Variants in CPNE4 observed in about 807,000 individuals in gnomAD.
CPNE4 encodes the protein copine 4.
In CPNE4, 25 loss-of-function variants were observed where a neutral mutation model predicts 67.9. That is an observed-to-expected ratio of 0.37 (90% CI 0.27 to 0.51). CPNE4 has a LOEUF of 0.51. CPNE4 is among the 20% of genes least tolerant of loss of function. The pLI, the probability that CPNE4 is intolerant of heterozygous loss-of-function variation, is 0.93. For missense variants in CPNE4, 464 were observed against 690.8 expected, an observed-to-expected ratio of 0.67 and a Z score of 3.68; for synonymous variants, 242 against 244.9, an observed-to-expected ratio of 0.99 and a Z score of 0.11.
At chr3:131,672,242 T>C (rs554104636) in intron 6 of CPNE4, among the ~76,000 whole-genome samples, 37 of 152,186 alleles carry the variant, frequency 2.4e-4, no homozygotes, top group Non-Finnish European at 4.6e-4. Flanking sequence ...GATAGACTTG[T>C]AGGTTGCTTC....
chr3:131,902,897 C>T (rs529184567), intron 2 of CPNE4, among the ~76,000 whole-genome samples: 1 of 152,058 alleles, frequency 6.6e-6, no homozygotes, highest in African/African-American at 2.4e-5. Flanking sequence ...TATTAAGACA[C>T]CCATGAATAC....
chr3:131,899,981 C>T (rs1444423051), intron 2 of CPNE4, among the ~76,000 whole-genome samples: 1 of 152,028 alleles, frequency 6.6e-6, no homozygotes, highest in African/African-American at 2.4e-5. Flanking sequence ...ACAACATGGG[C>T]ACACATTATC....
chr3:131,864,022 G>C (rs913614656), intron 2 of CPNE4, among the ~76,000 whole-genome samples: 1 of 151,966 alleles, frequency 6.6e-6, no homozygotes, highest in East Asian at 1.9e-4. Context: ...TTGTAGATAT[G>C]CGGCATTATT....
chr3:131,973,728 G>A (rs1035864113), intron 1 of CPNE4, among the ~76,000 whole-genome samples: 19 of 152,192 alleles, frequency 1.2e-4, no homozygotes, highest in Admixed American at 2.6e-4. Flanking sequence ...TGGAAAGAAT[G>A]TTTTGAACAG....
chr3:131,864,481 G>A (rs2086846066), intron 2 of CPNE4, among the ~76,000 whole-genome samples: 1 of 151,988 alleles, frequency 6.6e-6, no homozygotes, highest in Admixed American at 6.6e-5. Flanking sequence ...GTGAATGGGA[G>A]TTCACTCATG....
chr3:131,740,521 C>T (rs1396142051), intron 2 of CPNE4, among the ~76,000 whole-genome samples: 1 of 152,140 alleles, frequency 6.6e-6, no homozygotes, highest in African/African-American at 2.4e-5. Context: ...ATATCCAACC[C>T]ACCACCAAAT....
intron 2 of CPNE4, among the ~76,000 whole-genome samples, chr3:131,816,439 G>C (rs2084746668): frequency 6.6e-6 from 1 of 152,206 alleles, no homozygotes; most frequent in Non-Finnish European, 1.5e-5. Context: ...TTTAACATGA[G>C]AAGAGATCAA....
At chr3:132,021,578 C>A (rs771986597) in intron 1 of CPNE4, among the ~76,000 whole-genome samples, 13 of 152,124 alleles carry the variant, frequency 8.5e-5, no homozygotes, top group Non-Finnish European at 1.3e-4. Flanking sequence ...CTATGGACAA[C>A]GACAGGTATG....
intron 14 of CPNE4, among the ~76,000 whole-genome samples, chr3:131,549,067 G>A (rs533749606): frequency 2.0e-5 from 3 of 152,212 alleles, no homozygotes; most frequent in East Asian, 1.9e-4. Context: ...GAGAAAGAGC[G>A]AGAATATAAC....
upstream of CPNE4, among the ~76,000 whole-genome samples, chr3:132,036,184 G>C (rs768011026): frequency 6.6e-6 from 1 of 152,110 alleles, no homozygotes; most frequent in Admixed American, 6.5e-5. Context: ...CACTAAACAT[G>C]GACCCTGGAA....
intron 1 of CPNE4, among the ~76,000 whole-genome samples, chr3:131,969,999 A>G (rs948236161): frequency 2.0e-5 from 3 of 152,306 alleles, no homozygotes; most frequent in African/African-American, 4.8e-5. Context: ...GCTTGTGTTC[A>G]TAATTGGTGC....
chr3:131,675,181 T>C lies in CPNE4; in HGVS notation c.592-5417A>G, dbSNP rs78513490. The stretch of plus-strand genomic sequence containing the variant: ...CATTGTCATCAGATATGATACTTGA[T>C]ATTATTTCAGTTTTTCTGAATATTT... On this transcript the variant is annotated intron_variant, in intron 6 of 15. Transcript: ENST00000429747. Among the ~76,000 whole-genome samples, 1,169 of 152,286 alleles carry C rather than the reference T, an allele frequency of 7.7e-3. 20 individuals are homozygous for C. Among genetic ancestry groups the C allele is most frequent in the African/African-American group, 0.027 (1,107 of 41,574 alleles).
intron 1 of CPNE4, among the ~76,000 whole-genome samples, chr3:132,019,975 T>A (rs900817636): frequency 6.6e-6 from 1 of 152,144 alleles, no homozygotes; most frequent in African/African-American, 2.4e-5. Flanking sequence ...CTCACCACCA[T>A]CATGGATCTC....
intron 2 of CPNE4, among the ~76,000 whole-genome samples, chr3:131,875,244 CA>C (rs2087389888): frequency 6.6e-6 from 1 of 152,088 alleles, no homozygotes; most frequent in African/African-American, 2.4e-5. Flanking sequence ...CTAAATCTTT[CA>C]ACCATTGTGG....
chr3:131,571,995 T>C (rs1031046318), intron 10 of CPNE4, among the ~76,000 whole-genome samples: 17 of 152,070 alleles, frequency 1.1e-4, no homozygotes, highest in Admixed American at 1.1e-3. Context: ...CAATATCATG[T>C]TTATTTATCC....
chr3:131,581,031 G>A (rs147336325), intron 9 of CPNE4, among the ~76,000 whole-genome samples: 5,475 of 152,104 alleles, frequency 0.036, 299 homozygotes, highest in African/African-American at 0.12. Flanking sequence ...AAATTAGCTG[G>A]GCGTGGTGGC....
At chr3:131,688,093 C>T (rs1368150694) in intron 5 of CPNE4, among the ~76,000 whole-genome samples, 1 of 152,130 alleles carries the variant, frequency 6.6e-6, no homozygotes. Flanking sequence ...GGATTTTGAG[C>T]AGAAAAGTAA....
chr3:131,741,184 C>T (rs1583117589), intron 2 of CPNE4, among the ~76,000 whole-genome samples: 1 of 152,188 alleles, frequency 6.6e-6, no homozygotes, highest in South Asian at 2.1e-4. Flanking sequence ...GTTTGTTTAT[C>T]CCGGCATAAT....
Position 131,798,909 on chromosome 3 carries a change from T to A in CPNE4, c.181-75284A>T, listed in dbSNP as rs561407988. 7.0e-4 allele frequency among the ~76,000 whole-genome samples: 107 copies of A among 152,052 alleles called. 2 individuals carry two copies. The highest frequency in any genetic ancestry group is 2.4e-3 in the African/African-American group (101 of 41,496). Reference sequence around the variant, plus strand: ...CTTTTATTTTTCCATCTTCACTTTTTAAAAAAAACCACAAACCCAAAAGAA... The same window carrying A: ...CTTTTATTTTTCCATCTTCACTTTTAAAAAAAAACCACAAACCCAAAAGAA... On this transcript the variant is annotated intron_variant, in intron 2 of 15. Transcript: ENST00000429747.
Sources: gnomAD v4.1 joint callset for allele counts (sites outside exome capture counted in the v4.1 genomes callset) on GRCh38, gnomAD v4.1.1 for gene constraint, MANE v1.5 for transcripts, NCBI Gene and HGNC (gene_info 2026-07-23, HGNC 2026-07-21) for gene names.